Variants in SRRM3 observed in about 807,000 individuals in gnomAD.
SRRM3 encodes the protein serine/arginine repetitive matrix 3.
A neutral mutation model predicts 66.2 loss-of-function variants in SRRM3; 27 were observed. That is an observed-to-expected ratio of 0.41 (90% CI 0.30 to 0.56). The LOEUF is 0.56. Ranked by LOEUF, SRRM3 falls within the 20% of genes least tolerant of loss-of-function variation. The pLI is 0.32. For synonymous variants in SRRM3, 391 were observed against 414.9 expected (o/e 0.94, Z 0.70); for missense variants, 918 against 991.9 (o/e 0.93, Z 1.00).
intron 1 of SRRM3, among the ~76,000 whole-genome samples, chr7:76,227,984 C>T (rs1299305206): frequency 2.6e-5 from 4 of 152,096 alleles, no homozygotes; most frequent in African/African-American, 9.7e-5. Flanking sequence ...ATTCTCATGC[C>T]TCATCTTCCC....
intron 3 of SRRM3, among the ~76,000 whole-genome samples, chr7:76,251,520 G>T (rs1265402632): frequency 6.6e-6 from 1 of 152,076 alleles, no homozygotes; most frequent in African/African-American, 2.4e-5. Flanking sequence ...GACTACAGGC[G>T]CACGCTGCCA....
chr7:76,277,419 C>T (rs1481692296), intron 11 of SRRM3, among the ~76,000 whole-genome samples: 2 of 151,950 alleles, frequency 1.3e-5, no homozygotes, highest in Admixed American at 6.6e-5. Context: ...TCAGGCCAGG[C>T]GGGGTGGCTC....
chr7:76,258,381 G>A (rs1041851792), intron 3 of SRRM3, among the ~76,000 whole-genome samples: 10 of 152,158 alleles, frequency 6.6e-5, no homozygotes, highest in African/African-American at 9.7e-5. Context: ...GCCAGGGCTC[G>A]GGGAGGGCGG....
chr7:76,205,991 G>A (rs1441337459), intron 1 of SRRM3, among the ~76,000 whole-genome samples: 1 of 152,144 alleles, frequency 6.6e-6, no homozygotes, highest in Non-Finnish European at 1.5e-5. Context: ...TGGGTGGGGG[G>A]TCATCTGGTC....
intron 1 of SRRM3, among the ~76,000 whole-genome samples, chr7:76,210,864 G>A (rs1800415185): frequency 6.6e-6 from 1 of 152,042 alleles, no homozygotes. Flanking sequence ...GTGCAGTGGG[G>A]CAATCTCCGC....
intron 3 of SRRM3, among the ~76,000 whole-genome samples, chr7:76,258,441 G>A (rs1435604629): frequency 5.3e-5 from 8 of 152,274 alleles, no homozygotes; most frequent in Non-Finnish European, 2.9e-5. Flanking sequence ...TTTGCCGGGC[G>A]CGGTGGCTCA....
chr7:76,260,217 G>A lies in SRRM3; in HGVS notation c.545+20G>A, dbSNP rs1335115683. The A allele has an allele frequency of 2.6e-6, 4 of 1,515,936 alleles. No individual in the cohort carries two copies. Among genetic ancestry groups the A allele is most frequent in the Non-Finnish European group, 3.5e-6 (4 of 1,133,706 alleles). The allele number at this position is 1,515,936 out of a possible 1,614,324, so 93.9% of individuals were successfully genotyped here. Reference sequence around the variant, plus strand: ...AAGCCGGTGAGAACCGCGCCTGACCGGAGCGGGAAGGGAGGAGGAGGTGGG... The same window carrying A: ...AAGCCGGTGAGAACCGCGCCTGACCAGAGCGGGAAGGGAGGAGGAGGTGGG... On this transcript the variant is annotated intron_variant, in intron 5 of 14. Transcript: ENST00000611745.
intron 8 of SRRM3, among the ~76,000 whole-genome samples, chr7:76,263,876 AC>A (rs1426524514): frequency 9.9e-6 from 1 of 101,416 alleles, no homozygotes; most frequent in Non-Finnish European, 2.0e-5. Flanking sequence ...CTGTCTCAAG[AC>A]AAAAAAAAAA....
At chr7:76,274,855 C>T (rs933994944) in intron 11 of SRRM3, among the ~76,000 whole-genome samples, 1 of 152,220 alleles carries the variant, frequency 6.6e-6, no homozygotes, top group Non-Finnish European at 1.5e-5. Context: ...CCTGTAATCC[C>T]AGCACTCTGG....
At chr7:76,277,984 C>T (rs1314853449) in intron 11 of SRRM3, among the ~76,000 whole-genome samples, 3 of 152,180 alleles carry the variant, frequency 2.0e-5, no homozygotes, top group African/African-American at 4.8e-5. Flanking sequence ...ACTTTGCACT[C>T]TTTGACGACC....
intron 2 of SRRM3, among the ~76,000 whole-genome samples, chr7:76,245,573 CT>C (rs1324207164): frequency 3.3e-5 from 5 of 152,146 alleles, no homozygotes; most frequent in African/African-American, 1.2e-4. Context: ...AGCATTTATC[CT>C]TTGAGTTACA....
intron 1 of SRRM3, among the ~76,000 whole-genome samples, chr7:76,222,771 G>A (rs1029665433): frequency 1.3e-5 from 2 of 151,882 alleles, no homozygotes; most frequent in South Asian, 2.1e-4. Flanking sequence ...ACAGGCACCC[G>A]CCACCATGCC....
chr7:76,215,402 T>A (rs1333431740), intron 1 of SRRM3, among the ~76,000 whole-genome samples: 4 of 145,270 alleles, frequency 2.8e-5, no homozygotes, highest in Non-Finnish European at 6.0e-5. Context: ...CAGTTTTTTT[T>A]TTTTTTTTTT....
chr7:76,207,160 T>C (rs569834180), intron 1 of SRRM3, among the ~76,000 whole-genome samples: 2 of 152,228 alleles, frequency 1.3e-5, no homozygotes, highest in South Asian at 4.1e-4. Context: ...AAATTAGCCA[T>C]GTGTGGTGGC....
Position 76,260,862 on chromosome 7 carries a change from A to T in SRRM3, c.546-12A>T, listed in dbSNP as rs1195055468. ...CATCCGTCTGTCCTTTCTTCCTGGCATCTGCCCTCAGCAAAAAGAGGAGAC... is the reference window on the plus strand; with the variant it reads ...CATCCGTCTGTCCTTTCTTCCTGGCTTCTGCCCTCAGCAAAAAGAGGAGAC... On this transcript the variant is annotated splice_polypyrimidine_tract_variant and intron_variant, in intron 5 of 14. Transcript: ENST00000611745. 1.3e-6 allele frequency: 2 copies of T among 1,558,220 alleles called. No homozygotes were observed. Among genetic ancestry groups the T allele is most frequent in the Non-Finnish European group, 1.7e-6 (2 of 1,150,608 alleles).
intron 1 of SRRM3, among the ~76,000 whole-genome samples, chr7:76,223,107 G>A (rs1278789018): frequency 6.6e-6 from 1 of 152,154 alleles, no homozygotes; most frequent in African/African-American, 2.4e-5. Flanking sequence ...TCTCTGCCAT[G>A]CATCCATCAT....
intron 11 of SRRM3, 124 bp downstream of exon 11, chr7:76,267,559 T>A: frequency 1.6e-6 from 1 of 636,144 alleles, no homozygotes; most frequent in Non-Finnish European, 2.2e-6. Context: ...GGGCGGCCGC[T>A]TCCTCCCTCC....
At chr7:76,216,579 C>T (rs551581487) in intron 1 of SRRM3, among the ~76,000 whole-genome samples, 1 of 152,260 alleles carries the variant, frequency 6.6e-6, no homozygotes, top group East Asian at 1.9e-4. Context: ...GAATGGATTT[C>T]CAGTACACTG....
intron 3 of SRRM3, among the ~76,000 whole-genome samples, chr7:76,259,537 G>A (rs998382365): frequency 3.3e-5 from 5 of 150,760 alleles, no homozygotes; most frequent in Admixed American, 2.6e-4. Context: ...TGATCCCACC[G>A]CTGCAACCCA....
Sources: allele counts gnomAD v4.1 joint callset (sites outside exome capture counted in the v4.1 genomes callset), GRCh38; gene constraint gnomAD v4.1.1; transcripts MANE v1.5; gene names NCBI Gene and HGNC (gene_info 2026-07-23, HGNC 2026-07-21).